Variants in BCL2L14 observed in about 807,000 individuals in gnomAD.
BCL2L14 encodes apoptosis facilitator Bcl-2-like protein 14.
Under a neutral mutation model 35.3 loss-of-function variants are expected in BCL2L14, and 27 were observed. The ratio of observed to expected loss-of-function variants is 0.76; its 90% CI spans 0.56 to 1.05. The LOEUF (loss-of-function observed/expected upper bound fraction) is 1.05, where lower values mean the gene tolerates loss of function less well. Ranked by LOEUF, BCL2L14 falls within the 50% of genes least tolerant of loss-of-function variation. The pLI is 0.00. For missense variants in BCL2L14, 377 were observed against 382.6 expected (o/e 0.99, Z 0.12); for synonymous variants, 139 against 145.9 (o/e 0.95, Z 0.34).
At position 12,079,934 on chromosome 12, in the gene BCL2L14, G is replaced by A. The variant is rs1948873443; in HGVS notation, c.433+196G>A. On this transcript the variant is annotated intron_variant, in intron 2 of 5. Transcript: ENST00000308721. ...TAAAAGGAGTTGCTGCCTGGGCGCG[G>A]TGGCTCACGCCTGTAATCCCAGCAC... is the stretch of plus-strand genomic sequence containing the variant. Among the ~76,000 whole-genome samples the A allele has an allele frequency of 2.0e-5, 3 of 152,208 alleles. No homozygotes were observed. In the South Asian group the frequency reaches 6.2e-4, roughly 32 times the overall value.
chr12:12,088,117 C>T (rs957933891), intron 3 of BCL2L14, among the ~76,000 whole-genome samples: 1 of 152,114 alleles, frequency 6.6e-6, no homozygotes, highest in African/African-American at 2.4e-5. Context: ...CCAAGGGAAT[C>T]GAGGACATGG....
intron 1 of BCL2L14, among the ~76,000 whole-genome samples, chr12:12,075,502 T>A (rs1948762725): frequency 1.3e-5 from 2 of 151,962 alleles, no homozygotes; most frequent in Non-Finnish European, 2.9e-5. Context: ...CTCGGCTCAC[T>A]GCAACCTCCG....
intron 2 of BCL2L14, among the ~76,000 whole-genome samples, chr12:12,062,771 C>A (rs1948544631): frequency 1.3e-5 from 2 of 152,146 alleles, no homozygotes; most frequent in South Asian, 2.1e-4. Flanking sequence ...GCCTTCCCAC[C>A]TCTATACAGT....
At chr12:12,064,252 C>T (rs1340018822) in intron 2 of BCL2L14, among the ~76,000 whole-genome samples, 2 of 152,128 alleles carry the variant, frequency 1.3e-5, no homozygotes, top group African/African-American at 4.8e-5. Flanking sequence ...ACCTCAGCCT[C>T]CAGAGTATGG....
chr12:12,059,953 T>A (rs1475385555), intron 2 of BCL2L14, among the ~76,000 whole-genome samples: 1 of 152,130 alleles, frequency 6.6e-6, no homozygotes, highest in Non-Finnish European at 1.5e-5. Context: ...CTCTCTAGTC[T>A]CTGTTCCCAA....
chr12:12,060,873 G>T (rs113959848), intron 2 of BCL2L14, among the ~76,000 whole-genome samples: 2,570 of 106,816 alleles, frequency 0.024, 114 homozygotes, highest in African/African-American at 0.059. Flanking sequence ...CTGCCCGATA[G>T]CTTCGGAAGT....
chr12:12,050,210 G>T (rs1948326998), intron 1 of BCL2L14, among the ~76,000 whole-genome samples: 1 of 152,122 alleles, frequency 6.6e-6, no homozygotes, highest in African/African-American at 2.4e-5. Context: ...TTGGGAGGAG[G>T]TGGGGTTCAA....
chr12:12,072,653 C>G (rs2136731811), intron 1 of BCL2L14, among the ~76,000 whole-genome samples: 1 of 152,308 alleles, frequency 6.6e-6, no homozygotes, highest in African/African-American at 2.4e-5. Context: ...GGGCTTCTGT[C>G]AACATAAGCA....
In BCL2L14 at chr12:12,079,600, G is replaced by A; in HGVS notation, c.295G>A (p.Val99Ile). The A allele has an allele frequency of 6.2e-7, 1 of 1,614,228 alleles. No individual in the cohort carries two copies. Among genetic ancestry groups the A allele is most frequent in the South Asian group, 1.1e-5 (1 of 91,078 alleles). Reference sequence around the variant, plus strand: ...GTCTTCTTGGAAAGCATTCTTTGGAGTAGTGGAGAAGGAAGATTCGCAGAG... The same window carrying A: ...GTCTTCTTGGAAAGCATTCTTTGGAATAGTGGAGAAGGAAGATTCGCAGAG... ...KKSSWKAFFG[V>I]VEKEDSQSTP... Residue 99 changes from valine (V) to isoleucine (I), a missense_variant, in exon 2 of 6, where the codon GTA (valine) becomes ATA (isoleucine). By Grantham distance (29) the Val-to-Ile change is conservative. Coordinates refer to ENST00000308721, the MANE Select transcript of BCL2L14 (RefSeq NM_138723.2).
At chr12:12,082,124 G>T (rs916430403) in intron 2 of BCL2L14, among the ~76,000 whole-genome samples, 2 of 152,228 alleles carry the variant, frequency 1.3e-5, no homozygotes, top group Non-Finnish European at 2.9e-5. Flanking sequence ...GCACAGACAG[G>T]ATGAGGAAAT....
At chr12:12,064,029 T>A (rs1248644941) in intron 2 of BCL2L14, among the ~76,000 whole-genome samples, 1 of 152,204 alleles carries the variant, frequency 6.6e-6, no homozygotes, top group Non-Finnish European at 1.5e-5. Context: ...CCCATGTTGC[T>A]CACACAAAGC....
At chr12:12,080,804 T>A (rs919378350) in intron 2 of BCL2L14, among the ~76,000 whole-genome samples, 4 of 152,094 alleles carry the variant, frequency 2.6e-5, no homozygotes, top group African/African-American at 9.7e-5. Context: ...AAAGGACTCT[T>A]GACAAAGTAC....
intron 3 of BCL2L14, 117 bp from the exon 4 acceptor site, chr12:12,090,662 A>G: frequency 3.1e-6 from 2 of 635,808 alleles, no homozygotes; most frequent in African/African-American, 1.9e-5. Context: ...AAAAAAAAAG[A>G]ATTAGCATGC....
intron 2 of BCL2L14, among the ~76,000 whole-genome samples, chr12:12,082,942 T>G (rs1426284005): frequency 6.6e-6 from 1 of 152,110 alleles, no homozygotes; most frequent in East Asian, 1.9e-4. Flanking sequence ...GCAAATTTGG[T>G]TTCTCCTGGG....
upstream of BCL2L14, among the ~76,000 whole-genome samples, chr12:12,067,412 G>A (rs147288931): frequency 0.011 from 1,716 of 152,138 alleles, 19 homozygotes; most frequent in Non-Finnish European, 0.014. Flanking sequence ...TGAGCCAGGC[G>A]TGGTGGCACA....
chr12:12,079,882 T>C lies in BCL2L14; in HGVS notation c.433+144T>C. On this transcript the variant is annotated intron_variant, in intron 2 of 5. Transcript: ENST00000308721. ...AGCTTTCCAACTTATTAGTGTTCAA[T>C]CATAATTGCCCTGCTTTTCTCAAGA... The C allele has an allele frequency of 2.3e-6, 2 of 866,952 alleles. 1 individual carries two copies. The highest frequency in any genetic ancestry group is 3.5e-5 in the South Asian group (2 of 57,064). 53.7% of individuals were successfully genotyped at this position (866,952 alleles called of 1,614,324 possible).
At chr12:12,058,665 C>T (rs1441113757) in intron 2 of BCL2L14, among the ~76,000 whole-genome samples, 1 of 152,090 alleles carries the variant, frequency 6.6e-6, no homozygotes, top group Admixed American at 6.5e-5. Flanking sequence ...ACAGCCCCAC[C>T]CCATCTCCCT....
At chr12:12,079,058 GT>G (rs944007790) in intron 1 of BCL2L14, among the ~76,000 whole-genome samples, 3 of 152,120 alleles carry the variant, frequency 2.0e-5, no homozygotes, top group Non-Finnish European at 4.4e-5. Flanking sequence ...GCCTCCCAAA[GT>G]TTTGGGATTA....
chr12:12,086,326 T>C (rs1949042175), intron 2 of BCL2L14, among the ~76,000 whole-genome samples: 2 of 151,878 alleles, frequency 1.3e-5, no homozygotes, highest in African/African-American at 4.8e-5. Flanking sequence ...TGGAAAAAAG[T>C]AAATAAACAA....
Sources: gnomAD v4.1 joint callset for allele counts (sites outside exome capture counted in the v4.1 genomes callset) on GRCh38, gnomAD v4.1.1 for gene constraint, MANE v1.5 for transcripts, NCBI Gene and HGNC (gene_info 2026-07-23, HGNC 2026-07-21) for gene names.